HKDC1: variants seen among roughly 807,000 people sequenced by gnomAD.
The protein encoded by HKDC1 is hexokinase HKDC1.
A neutral mutation model predicts 96.6 loss-of-function variants in HKDC1; 66 were observed. The ratio of observed to expected loss-of-function variants is 0.68; its 90% confidence interval spans 0.56 to 0.84. The LOEUF (loss-of-function observed/expected upper bound fraction) is 0.84, where lower values mean the gene tolerates loss of function less well. HKDC1 is among the 40% of genes least tolerant of loss of function. The pLI is 0.00. For synonymous variants in HKDC1, 466 were observed against 473.1 expected, an observed-to-expected ratio of 0.98 and a Z score of 0.20; for missense variants, 1,211 against 1,208.1, an observed-to-expected ratio of 1.00 and a Z score of -0.04.
chr10:69,265,935 GA>G, intron 17 of HKDC1, 117 bp downstream of exon 17: 1 of 749,236 alleles, frequency 1.3e-6, no homozygotes, highest in African/African-American at 1.8e-5. Flanking sequence ...CCTTTTATGG[GA>G]AAGGAGTGCT....
rs2132332702 is a variant in HKDC1, at chr10:69,227,426, A to C, written c.226+57A>C. 5 of 1,596,664 alleles carry C rather than the reference A, an allele frequency of 3.1e-6. No individual in the cohort carries two copies. In the South Asian group the frequency reaches 3.3e-5, roughly 11 times the overall value. On this transcript the variant is annotated intron_variant, in intron 2 of 17. Coordinates refer to ENST00000354624, the MANE Select transcript of HKDC1 (RefSeq NM_025130.4). Reference sequence around the variant, plus strand: ...GGCTCCTCTTGGCTGATGGGTGTCTAAAGTACCTAAGGTTTGCCCCTGTAC... The same window carrying C: ...GGCTCCTCTTGGCTGATGGGTGTCTCAAGTACCTAAGGTTTGCCCCTGTAC...
At chr10:69,261,030 C>T in intron 15 of HKDC1, 109 bp from the exon 16 acceptor site, 1 of 958,526 alleles carries the variant, frequency 1.0e-6, no homozygotes. Flanking sequence ...TGTGGCAGAG[C>T]TAGGATCTGG....
intron 10 of HKDC1, chr10:69,249,011 C>G (rs988532661): frequency 1.4e-4 from 42 of 296,494 alleles, no homozygotes; most frequent in African/African-American, 4.8e-4. Flanking sequence ...GTGTACCCCC[C>G]CCGACCCCCA....
chr10:69,237,087 G>A (rs905560639), intron 4 of HKDC1, among the ~76,000 whole-genome samples: 9 of 152,168 alleles, frequency 5.9e-5, no homozygotes, highest in African/African-American at 1.2e-4. Context: ...AAAGGGGAAG[G>A]CTGTGTGAGG....
At chr10:69,227,519 C>A (rs1404759986) in intron 2 of HKDC1, 150 bp downstream of exon 2, 3 of 836,282 alleles carry the variant, frequency 3.6e-6, no homozygotes, top group Admixed American at 5.5e-5. Flanking sequence ...TTCAGTCCTG[C>A]TGAATCCCTC....
At chr10:69,260,894 A>G (rs890319321) in intron 15 of HKDC1, among the ~76,000 whole-genome samples, 6 of 152,162 alleles carry the variant, frequency 3.9e-5, no homozygotes, top group Admixed American at 6.5e-5. Context: ...AAGACCAGGG[A>G]CTAAATTTTG....
intron 1 of HKDC1, among the ~76,000 whole-genome samples, chr10:69,221,873 T>G (rs1360512137): frequency 6.7e-6 from 1 of 150,316 alleles, no homozygotes; most frequent in Non-Finnish European, 1.5e-5. Flanking sequence ...ACTGCGCTAC[T>G]GCACTCCAGC....
rs1055441421 is a variant in HKDC1, at chr10:69,250,129, C to T, written c.1571-161C>T. On this transcript the variant is annotated intron_variant, in intron 10 of 17. Transcript: ENST00000354624. ...CTCACGCAGGCTCAAGATGCCTGCC[C>T]GGGGCCCGGGCACTGTGCAGGGTGG... is the stretch of plus-strand genomic sequence containing the variant. 5.3e-5 allele frequency among the ~76,000 whole-genome samples: 8 copies of T among 152,062 alleles called. No individual in the cohort carries two copies. In the East Asian group the frequency reaches 1.2e-3, roughly 22 times the overall value.
chr10:69,247,700 CTCTTGTTGGT>C lies in HKDC1; in HGVS notation c.1265+111_1265+120del. The C allele has an allele frequency of 5.0e-6, 4 of 795,758 alleles. No individual in the cohort carries two copies. The South Asian group carries it at 7.0e-5, about 14-fold the overall frequency. 49.3% of individuals were successfully genotyped at this position (795,758 alleles called of 1,614,324 possible). On this transcript the variant is annotated intron_variant, in intron 9 of 17. Transcript: ENST00000354624. ...ATCTGGGGTCTGGAACCAACAACCC[CTCTTGTTGGT>C]TCTGAGATTACAAGGGAAAAGGTGA...
chr10:69,232,673 G>A, intron 2 of HKDC1, 91 bp from the exon 3 acceptor site: 1 of 1,180,954 alleles, frequency 8.5e-7, no homozygotes, highest in African/African-American at 1.5e-5. Flanking sequence ...GTGATTTGAA[G>A]ACGTTGATTA....
chr10:69,220,474 G>A lies in HKDC1; in HGVS notation c.39G>A (p.Lys13=), dbSNP rs755374476. 2.5e-6 allele frequency: 4 copies of A among 1,600,832 alleles called. No homozygotes were observed. In the African/African-American group the frequency reaches 4.0e-5, roughly 16 times the overall value. Residue 13 remains lysine, a synonymous_variant, in exon 1 of 18, where the codon AAG becomes AAA. Coordinates refer to ENST00000354624, the MANE Select transcript of HKDC1 (RefSeq NM_025130.4). ...AVHLMAFYFS[K]LKEDQIKKVD... ...ACTTGATGGCATTTTACTTCAGCAA[G>A]CTGAAGGAGGACCAGATCAAGAAGG...
At position 69,250,641 on chromosome 10, in the gene HKDC1, A is replaced by G. The variant is rs748748783; in HGVS notation, c.1825A>G (p.Ser609Gly). 7 of 1,613,766 alleles carry G rather than the reference A, an allele frequency of 4.3e-6. No individual in the cohort carries two copies. The Admixed American group carries it at 1.2e-4, about 27-fold the overall frequency. ...ATTCTCATTTCCCTGCAGGCAGATG[A>G]GCATTGACAAGGTAAGATAGCCCCA... ...FTFSFPCRQM[S>G]IDKGTLIGWT... The change falls in exon 12 of 18, where the codon AGC (serine) becomes GGC (glycine). Residue 609 changes from serine (S) to glycine (G), a missense_variant. Physicochemically the swap from Ser to Gly is moderately conservative, Grantham distance 56 (BLOSUM62 0). Coordinates refer to ENST00000354624, the MANE Select transcript of HKDC1 (RefSeq NM_025130.4).
chr10:69,264,197 CTGTGTGTG>C (rs34401681), intron 16 of HKDC1, among the ~76,000 whole-genome samples: 54 of 139,538 alleles, frequency 3.9e-4, no homozygotes, highest in Non-Finnish European at 5.0e-4. Context: ...AGATTTCCTT[CTGTGTGTG>C]TGTGTGTGTG....
At position 69,227,221 on chromosome 10, in the gene HKDC1, G is replaced by T; in HGVS notation, c.78G>T (p.Leu26=). Residue 26 remains leucine (L), a synonymous_variant, in exon 2 of 18, where the codon CTG becomes CTT. Coordinates refer to ENST00000354624, the MANE Select transcript of HKDC1 (RefSeq NM_025130.4). The part of the protein sequence containing the change: ...EDQIKKVDRF[L]YHMRLSDDTL... ...GTCTGTTCCAGGTGGACAGGTTCCT[G>T]TATCACATGCGGCTCTCCGATGACA... 1 of 1,614,188 alleles carries T rather than the reference G, an allele frequency of 6.2e-7. No homozygotes were observed. The highest frequency in any genetic ancestry group is 8.5e-7 in the Non-Finnish European group (1 of 1,180,018).
chr10:69,231,044 C>T (rs1182221109), intron 2 of HKDC1, among the ~76,000 whole-genome samples: 2 of 152,174 alleles, frequency 1.3e-5, no homozygotes, highest in Non-Finnish European at 2.9e-5. Flanking sequence ...GAAGGGATCA[C>T]ACCATGTGGC....
chr10:69,246,019 G>A (rs1843535530), intron 7 of HKDC1, 60 bp from the exon 8 acceptor site: 3 of 1,591,904 alleles, frequency 1.9e-6, no homozygotes, highest in Admixed American at 1.7e-5. Context: ...CCTGGTCTTC[G>A]GGAAATGATG....
chr10:69,231,629 G>T (rs575003715), intron 2 of HKDC1, among the ~76,000 whole-genome samples: 24 of 152,252 alleles, frequency 1.6e-4, no homozygotes, highest in African/African-American at 5.5e-4. Context: ...TCTGAGCACT[G>T]GTCCTACTAT....
intron 1 of HKDC1, among the ~76,000 whole-genome samples, chr10:69,222,246 A>G (rs549036635): frequency 6.6e-6 from 1 of 152,200 alleles, no homozygotes; most frequent in Non-Finnish European, 1.5e-5. Context: ...AAAGAGAGAG[A>G]GGAAGTGTGG....
chr10:69,250,534 T>C lies in HKDC1; in HGVS notation c.1718T>C (p.Leu573Pro), dbSNP rs1476365580. 4 of 1,613,968 alleles carry C rather than the reference T, an allele frequency of 2.5e-6. No individual in the cohort carries two copies. The highest frequency in any genetic ancestry group is 2.2e-5 in the South Asian group (2 of 91,084). The change falls in exon 12 of 18, where the codon CTC (leucine) becomes CCC (proline). Residue 573 changes from leucine to proline, a missense_variant and splice_region_variant. Transcript: ENST00000354624. ...ATGCCGCTCTCTCTCTCTCTGCAGC[T>C]CTTTGATCACATTGTGCAGTGCATC... ...LEIMQGTGEE[L>P]FDHIVQCIAD...
Sources: allele counts gnomAD v4.1 joint callset (sites outside exome capture counted in the v4.1 genomes callset), GRCh38; gene constraint gnomAD v4.1.1; transcripts MANE v1.5; gene names NCBI Gene and HGNC (gene_info 2026-07-23, HGNC 2026-07-21).